The following GPR158 variants were observed in gnomAD, a reference collection of about 807,000 sequenced individuals.
The protein encoded by GPR158 is metabotropic glycine receptor.
Under a neutral mutation model 78.2 loss-of-function variants are expected in GPR158, and 30 were observed. The observed-to-expected ratio is 0.38, with a 90% CI of 0.29 to 0.52. The LOEUF is 0.52. Among genes scored for constraint, GPR158 ranks in the 20% least tolerant of loss-of-function variants. The probability of loss-of-function intolerance (pLI) is 0.83; values close to 1 mark genes in which losing one functional copy is unlikely to be tolerated. For missense variants in GPR158, 1,463 were observed against 1,523.5 expected, an observed-to-expected ratio of 0.96 and a Z score of 0.66; for synonymous variants, 581 against 591.1, an observed-to-expected ratio of 0.98 and a Z score of 0.25.
At chr10:25,591,713 G>A (rs959271273) in intron 8 of GPR158, among the ~76,000 whole-genome samples, 1 of 152,060 alleles carries the variant, frequency 6.6e-6, no homozygotes, top group African/African-American at 2.4e-5. Context: ...ACCTGAAGAA[G>A]CCCTATGTTT....
intron 2 of GPR158, among the ~76,000 whole-genome samples, chr10:25,373,995 T>G (rs910992086): frequency 6.6e-6 from 1 of 151,768 alleles, no homozygotes; most frequent in Non-Finnish European, 1.5e-5. Context: ...TGTGTAATTT[T>G]TCTACCATTA....
intron 6 of GPR158, among the ~76,000 whole-genome samples, chr10:25,566,450 A>T (rs1476752945): frequency 1.3e-5 from 2 of 152,172 alleles, no homozygotes; most frequent in Admixed American, 6.5e-5. Flanking sequence ...CCCTCCTCTC[A>T]TAACCATCTA....
At chr10:25,389,436 ACT>A in intron 2 of GPR158, among the ~76,000 whole-genome samples, 1 of 152,088 alleles carries the variant, frequency 6.6e-6, no homozygotes, top group East Asian at 2.0e-4. Context: ...CAGAGAGGAG[ACT>A]CTCTGCTGAG....
intron 3 of GPR158, 44 bp downstream of exon 3, chr10:25,396,057 T>G: frequency 3.8e-6 from 3 of 780,764 alleles, no homozygotes; most frequent in Non-Finnish European, 6.5e-6. Context: ...ATATACATCA[T>G]ATATACTATT....
intron 2 of GPR158, among the ~76,000 whole-genome samples, chr10:25,296,368 A>C (rs941333260): frequency 9.9e-5 from 15 of 152,248 alleles, no homozygotes; most frequent in African/African-American, 3.6e-4. Flanking sequence ...GGGATCTGGT[A>C]GGGGTATCAA....
intron 6 of GPR158, among the ~76,000 whole-genome samples, chr10:25,561,361 C>T (rs908259534): frequency 3.9e-5 from 6 of 152,158 alleles, no homozygotes; most frequent in Admixed American, 2.0e-4. Context: ...CTAATAGGTA[C>T]TTGGCAGACC....
At chr10:25,178,692 G>T (rs942941587) in intron 1 of GPR158, among the ~76,000 whole-genome samples, 45 of 152,184 alleles carry the variant, frequency 3.0e-4, no homozygotes, top group African/African-American at 1.1e-3. Flanking sequence ...CAAGGTAAGT[G>T]CTCCCCTGTG....
chr10:25,315,591 A>G (rs1027379406), intron 2 of GPR158, among the ~76,000 whole-genome samples: 3 of 151,876 alleles, frequency 2.0e-5, no homozygotes, highest in Non-Finnish European at 4.4e-5. Context: ...TGATATGACT[A>G]TTGTATTTGA....
chr10:25,245,137 C>G (rs962887243), intron 2 of GPR158, among the ~76,000 whole-genome samples: 1 of 152,178 alleles, frequency 6.6e-6, no homozygotes. Flanking sequence ...ATTGAAATGT[C>G]TTTGAAAGCA....
At chr10:25,238,095 A>G (rs1373507085) in intron 2 of GPR158, among the ~76,000 whole-genome samples, 1 of 128,080 alleles carries the variant, frequency 7.8e-6, no homozygotes, top group Non-Finnish European at 1.6e-5. Context: ...CTTTTTTAGT[A>G]ATCGCTACTT....
chr10:25,230,261 A>G (rs1423634898), intron 2 of GPR158, among the ~76,000 whole-genome samples: 1 of 152,212 alleles, frequency 6.6e-6, no homozygotes, highest in Non-Finnish European at 1.5e-5. Flanking sequence ...TGGTTTGATC[A>G]CATGTGAATG....
chr10:25,525,430 G>A (rs1459514882), intron 5 of GPR158, among the ~76,000 whole-genome samples: 1 of 152,048 alleles, frequency 6.6e-6, no homozygotes, highest in African/African-American at 2.4e-5. Flanking sequence ...TCTATACAGT[G>A]GAATATTATT....
chr10:25,215,496 G>A (rs1853196775), intron 1 of GPR158, among the ~76,000 whole-genome samples: 1 of 152,154 alleles, frequency 6.6e-6, no homozygotes, highest in Non-Finnish European at 1.5e-5. Flanking sequence ...CATTAAAAAT[G>A]GTTAAGATGG....
intron 2 of GPR158, among the ~76,000 whole-genome samples, chr10:25,395,161 A>G (rs1000701861): frequency 3.3e-5 from 5 of 152,170 alleles, no homozygotes; most frequent in Admixed American, 6.5e-5. Flanking sequence ...TTAAAATTAT[A>G]TCTTTTGCTT....
At chr10:25,394,805 G>A (rs1280629643) in intron 2 of GPR158, among the ~76,000 whole-genome samples, 1 of 151,984 alleles carries the variant, frequency 6.6e-6, no homozygotes, top group Non-Finnish European at 1.5e-5. Flanking sequence ...TCTAATTGCT[G>A]GAGTTTTTGT....
intron 2 of GPR158, among the ~76,000 whole-genome samples, chr10:25,231,405 C>T (rs77012078): frequency 6.6e-6 from 1 of 152,170 alleles, no homozygotes; most frequent in East Asian, 1.9e-4. Context: ...GAATCAGATA[C>T]TTTAGAGTAG....
At chr10:25,478,811 C>T (rs1835624829) in intron 5 of GPR158, among the ~76,000 whole-genome samples, 1 of 134,952 alleles carries the variant, frequency 7.4e-6, no homozygotes, top group Non-Finnish European at 1.6e-5. Context: ...CACCCCACGA[C>T]AGGCCCCCGG....
intron 4 of GPR158, among the ~76,000 whole-genome samples, chr10:25,423,541 C>T (rs1475203316): frequency 1.3e-5 from 2 of 151,960 alleles, no homozygotes; most frequent in African/African-American, 4.8e-5. Context: ...CCCCCATGCC[C>T]CAACCTATGA....
chr10:25,512,460 CTGTCA>C (rs1018301279), intron 5 of GPR158, among the ~76,000 whole-genome samples: 2 of 152,082 alleles, frequency 1.3e-5, no homozygotes, highest in African/African-American at 4.8e-5. Context: ...TCTTTGTATA[CTGTCA>C]TATCATCAGC....
Sources: gnomAD v4.1 joint callset for allele counts (sites outside exome capture counted in the v4.1 genomes callset) on GRCh38, gnomAD v4.1.1 for gene constraint, MANE v1.5 for transcripts, NCBI Gene and HGNC (gene_info 2026-07-23, HGNC 2026-07-21) for gene names.